CNTN5: variants seen among roughly 807,000 people sequenced by gnomAD.
CNTN5 encodes the protein contactin-5.
Under a neutral mutation model 129.1 loss-of-function variants are expected in CNTN5, and 77 were observed. The observed-to-expected ratio is 0.60, with a 90% CI of 0.50 to 0.72. The LOEUF is 0.72. Ranked by LOEUF, CNTN5 falls within the 30% of genes least tolerant of loss-of-function variation. The probability of loss-of-function intolerance (pLI) is 0.00; values close to 1 mark genes in which losing one functional copy is unlikely to be tolerated. For missense variants in CNTN5, 1,478 were observed against 1,328.8 expected (o/e 1.11, Z -1.75); for synonymous variants, 509 against 465.6 (o/e 1.09, Z -1.20).
intron 2 of CNTN5, among the ~76,000 whole-genome samples, chr11:99,504,014 T>C (rs186303415): frequency 1.5e-3 from 233 of 152,288 alleles, no homozygotes; most frequent in Non-Finnish European, 2.1e-3. Context: ...ATTTGTGTGT[T>C]AATTGTTCAA....
intron 13 of CNTN5, among the ~76,000 whole-genome samples, chr11:100,130,276 C>A (rs1946332396): frequency 6.6e-6 from 1 of 152,118 alleles, no homozygotes; most frequent in Non-Finnish European, 1.5e-5. Context: ...CTTATTCATT[C>A]ATTCATTCAG....
intron 1 of CNTN5, among the ~76,000 whole-genome samples, chr11:99,151,608 GTGTTA>G (rs1209967007): frequency 6.6e-6 from 1 of 152,074 alleles, no homozygotes; most frequent in African/African-American, 2.4e-5. Context: ...AAATGACAAG[GTGTTA>G]TTATTTTGAA....
intron 2 of CNTN5, among the ~76,000 whole-genome samples, chr11:99,458,369 T>C (rs1025066933): frequency 3.3e-5 from 5 of 151,984 alleles, no homozygotes; most frequent in African/African-American, 1.2e-4. Flanking sequence ...TCAAAAGTCA[T>C]TTTTAGTAAT....
intron 13 of CNTN5, among the ~76,000 whole-genome samples, chr11:100,104,492 C>T (rs1268812258): frequency 6.6e-6 from 1 of 152,104 alleles, no homozygotes; most frequent in African/African-American, 2.4e-5. Context: ...CTTTTGTTGA[C>T]TACTTAGTAG....
intron 3 of CNTN5, among the ~76,000 whole-genome samples, chr11:99,782,736 C>A: frequency 6.6e-6 from 1 of 151,918 alleles, no homozygotes; most frequent in African/African-American, 2.4e-5. Flanking sequence ...GAAAGGATTC[C>A]CTATTTAATA....
chr11:99,412,036 A>T (rs1942418615), intron 2 of CNTN5, among the ~76,000 whole-genome samples: 1 of 152,228 alleles, frequency 6.6e-6, no homozygotes, highest in Admixed American at 6.5e-5. Flanking sequence ...AAAATAAAGA[A>T]ATGGGGAAAT....
At chr11:99,577,031 G>A (rs1409768160) in intron 3 of CNTN5, among the ~76,000 whole-genome samples, 1 of 152,088 alleles carries the variant, frequency 6.6e-6, no homozygotes. Context: ...GATTTCTATG[G>A]TATTATGAAT....
chr11:99,487,706 T>A (rs1166306972), intron 2 of CNTN5, among the ~76,000 whole-genome samples: 1 of 152,318 alleles, frequency 6.6e-6, no homozygotes, highest in South Asian at 2.1e-4. Flanking sequence ...ACATGAAATA[T>A]CAAGAATGTC....
intron 3 of CNTN5, among the ~76,000 whole-genome samples, chr11:99,704,556 C>T (rs1426192411): frequency 6.6e-6 from 1 of 150,954 alleles, no homozygotes; most frequent in Non-Finnish European, 1.5e-5. Flanking sequence ...AATAAAGATT[C>T]TAAATGTGTG....
At chr11:99,607,759 C>G (rs1222111768) in intron 3 of CNTN5, among the ~76,000 whole-genome samples, 1 of 126,942 alleles carries the variant, frequency 7.9e-6, no homozygotes, top group African/African-American at 2.7e-5. Flanking sequence ...CCATGGAATA[C>G]TATGCAGCCA....
rs564508956 is a variant in CNTN5 at position 99,911,336 on chromosome 11, T to A, written c.578-4718T>A. 5.3e-5 allele frequency among the ~76,000 whole-genome samples: 8 copies of A among 152,088 alleles called. No individual in the cohort carries two copies. The South Asian group carries it at 1.7e-3, about 32-fold the overall frequency. On this transcript the variant is annotated intron_variant, in intron 6 of 24. Coordinates refer to ENST00000524871, the MANE Select transcript of CNTN5 (RefSeq NM_014361.4). ...AAATGTATAGCCACGAATACCTCAGTATTGGCACTCCATTCCTCTTCCTTT... is the reference window on the plus strand; with the variant it reads ...AAATGTATAGCCACGAATACCTCAGAATTGGCACTCCATTCCTCTTCCTTT...
intron 1 of CNTN5, among the ~76,000 whole-genome samples, chr11:99,133,484 A>C (rs569476302): frequency 3.9e-5 from 6 of 152,186 alleles, no homozygotes; most frequent in South Asian, 4.1e-4. Flanking sequence ...ACAGATTGGG[A>C]GAAAATTTTT....
chr11:99,583,614 C>A (rs1343412480), intron 3 of CNTN5, among the ~76,000 whole-genome samples: 1 of 152,204 alleles, frequency 6.6e-6, no homozygotes, highest in South Asian at 2.1e-4. Context: ...GGGTGTAGGA[C>A]TCTCTGAGCC....
chr11:99,811,500 ATAT>A (rs1323241288), intron 3 of CNTN5, among the ~76,000 whole-genome samples: 3 of 148,596 alleles, frequency 2.0e-5, no homozygotes, highest in East Asian at 1.9e-4. Flanking sequence ...TATATTTATA[ATAT>A]TAATATTTTG....
At chr11:99,720,043 G>A (rs1165649911) in intron 3 of CNTN5, among the ~76,000 whole-genome samples, 6 of 151,746 alleles carry the variant, frequency 4.0e-5, no homozygotes, top group East Asian at 1.9e-4. Context: ...ATAGCCTACC[G>A]ACAACAACAA....
intron 1 of CNTN5, among the ~76,000 whole-genome samples, chr11:99,051,944 GCT>G (rs1259710112): frequency 6.6e-6 from 1 of 151,816 alleles, no homozygotes; most frequent in Non-Finnish European, 1.5e-5. Context: ...GGAATAGTTA[GCT>G]CTGACTATTC....
chr11:99,576,391 G>T (rs1257766166), intron 3 of CNTN5, among the ~76,000 whole-genome samples: 1 of 152,168 alleles, frequency 6.6e-6, no homozygotes, highest in Non-Finnish European at 1.5e-5. Flanking sequence ...AAGTGTTTTA[G>T]TCCCTATTAT....
chr11:99,243,856 T>C (rs957630935), intron 1 of CNTN5, among the ~76,000 whole-genome samples: 1 of 151,824 alleles, frequency 6.6e-6, no homozygotes, highest in Admixed American at 6.6e-5. Flanking sequence ...CAGGCTGCTC[T>C]AGGTACTGAA....
intron 3 of CNTN5, among the ~76,000 whole-genome samples, chr11:99,735,292 C>T (rs1943668425): frequency 1.3e-5 from 2 of 152,276 alleles, no homozygotes; most frequent in East Asian, 3.9e-4. Flanking sequence ...GTCCCAGTTC[C>T]TCCAGTTGTC....
Sources: gnomAD v4.1 joint callset for allele counts (sites outside exome capture counted in the v4.1 genomes callset) on GRCh38, gnomAD v4.1.1 for gene constraint, MANE v1.5 for transcripts, NCBI Gene and HGNC (gene_info 2026-07-23, HGNC 2026-07-21) for gene names.